ADGRG5: variants seen among roughly 807,000 people sequenced by gnomAD.
The protein encoded by ADGRG5 is G protein-coupled receptor 114.
A neutral mutation model predicts 53.2 loss-of-function variants in ADGRG5; 37 were observed. That is an observed-to-expected ratio of 0.70 (90% CI 0.53 to 0.91). The LOEUF (loss-of-function observed/expected upper bound fraction) is 0.91, where lower values mean the gene tolerates loss of function less well. Among genes scored for constraint, ADGRG5 ranks in the 40% least tolerant of loss-of-function variants. ADGRG5 has a pLI of 0.00. For synonymous variants in ADGRG5, 277 were observed against 290.4 expected (o/e 0.95, Z 0.47); for missense variants, 614 against 675.8 (o/e 0.91, Z 1.01).
intron 1 of ADGRG5, among the ~76,000 whole-genome samples, chr16:57,555,532 A>C (rs1355581560): frequency 2.6e-5 from 4 of 152,208 alleles, no homozygotes; most frequent in Admixed American, 6.5e-5. Flanking sequence ...TACTTCTAGC[A>C]ATTACTCAGA....
the ADGRG5 span, among the ~76,000 whole-genome samples, chr16:57,533,966 G>A: frequency 2.8e-4 from 42 of 152,286 alleles, no homozygotes; most frequent in African/African-American, 9.6e-4. Context: ...CGGTGGGACC[G>A]GCCACCACAG....
intron 1 of ADGRG5, among the ~76,000 whole-genome samples, chr16:57,552,865 C>T (rs909297430): frequency 6.6e-6 from 1 of 152,086 alleles, no homozygotes; most frequent in Middle Eastern, 3.2e-3. Context: ...ACTCTTTCTT[C>T]TACTTGAACA....
chr16:57,543,058 A>G (rs2032524995), intron 1 of ADGRG5: 1 of 152,122 alleles, frequency 6.6e-6, no homozygotes, highest in Non-Finnish European at 1.5e-5. Flanking sequence ...TGCACCTTGG[A>G]TGGCTGTCAG....
intron 9 of ADGRG5, among the ~76,000 whole-genome samples, chr16:57,569,854 A>G (rs1286603926): frequency 6.8e-6 from 1 of 147,244 alleles, no homozygotes; most frequent in Non-Finnish European, 1.5e-5. Flanking sequence ...CATCACCGTC[A>G]CCTCCTCCAT....
rs2404453 is a variant in ADGRG5 at position 57,574,104 on chromosome 16, G to A, written c.1209-711G>A. On this transcript the variant is annotated intron_variant, in intron 10 of 11. Transcript: ENST00000349457. This position sits in a 1 kb window ranked among gnomAD's most constrained non-coding sequence, Gnocchi z 4.4. The stretch of plus-strand genomic sequence containing the variant: ...CCTGCCTCAGCATGACATTGTGTCC[G>A]ACTAAAAGGTGGCATCTGTCTTGAA... 0.05 allele frequency among the ~76,000 whole-genome samples: 7,557 copies of A among 152,266 alleles called. 449 individuals are homozygous for A. The highest frequency in any genetic ancestry group is 0.33 in the East Asian group (1,723 of 5,162).
chr16:57,539,592 A>G (rs1166351573), upstream of ADGRG5, among the ~76,000 whole-genome samples: 2 of 151,084 alleles, frequency 1.3e-5, no homozygotes, highest in Non-Finnish European at 2.9e-5. Flanking sequence ...AGGTGGATCT[A>G]CAGGGGCACG....
In ADGRG5 at chr16:57,563,471, A is replaced by G. The variant is rs576184565; in HGVS notation, c.297+224A>G. ...TGCTTTATTGCCCCTGCAGGGCAGA[A>G]TCTTCTTCCTGCTTTGGCTGGAGGC... On this transcript the variant is annotated intron_variant, in intron 4 of 11. Transcript: ENST00000349457. Among the ~76,000 whole-genome samples the G allele has an allele frequency of 3.9e-5, 6 of 152,338 alleles. No individual in the cohort carries two copies. The East Asian group carries it at 1.2e-3, about 29-fold the overall frequency.
chr16:57,547,650 T>G (rs1351756618), intron 1 of ADGRG5, among the ~76,000 whole-genome samples: 1 of 152,218 alleles, frequency 6.6e-6, no homozygotes, highest in East Asian at 1.9e-4. Flanking sequence ...TTTCATCATG[T>G]TGACCAGGAT....
At chr16:57,543,786 T>TC (rs1324896693) in intron 1 of ADGRG5, among the ~76,000 whole-genome samples, 2 of 152,088 alleles carry the variant, frequency 1.3e-5, no homozygotes, top group Non-Finnish European at 2.9e-5. Flanking sequence ...TCCCAAGCCT[T>TC]GTGCTCAGAT....
At chr16:57,533,420 C>G in the ADGRG5 span, among the ~76,000 whole-genome samples, 1 of 152,012 alleles carries the variant, frequency 6.6e-6, no homozygotes, top group East Asian at 1.9e-4. Context: ...TACCCTGCCC[C>G]ACTCATACAG....
chr16:57,545,884 G>GA (rs1490348594), intron 1 of ADGRG5, among the ~76,000 whole-genome samples: 1 of 152,156 alleles, frequency 6.6e-6, no homozygotes, highest in Non-Finnish European at 1.5e-5. Context: ...GGAGTGCAGT[G>GA]ATGTGATCTC....
At chr16:57,568,977 C>A (rs1278935017) in intron 9 of ADGRG5, among the ~76,000 whole-genome samples, 1 of 151,560 alleles carries the variant, frequency 6.6e-6, no homozygotes. Flanking sequence ...CCACCATCAT[C>A]ACCTCCTCCA....
the ADGRG5 span, among the ~76,000 whole-genome samples, chr16:57,533,168 C>A: frequency 6.6e-6 from 1 of 152,170 alleles, no homozygotes; most frequent in Non-Finnish European, 1.5e-5. Flanking sequence ...CCTGGCCAGG[C>A]CCCTCCTAGG....
chr16:57,568,201 C>T (rs1444102870), intron 9 of ADGRG5, 77 bp downstream of exon 9: 6 of 1,449,730 alleles, frequency 4.1e-6, no homozygotes, highest in East Asian at 4.6e-5. Context: ...CCTTTCTTTC[C>T]CCTCCTCCTC....
At chr16:57,567,623 T>A in intron 8 of ADGRG5, 32 bp downstream of exon 8, 6 of 1,594,708 alleles carry the variant, frequency 3.8e-6, no homozygotes, top group Non-Finnish European at 5.1e-6. Flanking sequence ...GGGCCTGCCC[T>A]GCACTGTGGC....
At chr16:57,560,076 C>T (rs955702250) in intron 1 of ADGRG5, among the ~76,000 whole-genome samples, 1 of 152,174 alleles carries the variant, frequency 6.6e-6, no homozygotes, top group African/African-American at 2.4e-5. Context: ...TATCTACTCT[C>T]CTTTTCCTCT....
chr16:57,569,461 TC>T (rs1398640357), intron 9 of ADGRG5, among the ~76,000 whole-genome samples: 21 of 142,510 alleles, frequency 1.5e-4, no homozygotes, highest in Admixed American at 1.5e-3. Flanking sequence ...CATCACCTGC[TC>T]CATCTCCTCC....
rs1381835937 is a variant in ADGRG5, at chr16:57,570,527, C to T, written c.1200C>T (p.Asn400=). 3 of 1,611,792 alleles carry T rather than the reference C, an allele frequency of 1.9e-6. No individual in the cohort carries two copies. The highest frequency in any genetic ancestry group is 2.7e-5 in the African/African-American group (2 of 75,032). ...GGGAGAATGGCACAGGCTTCCAGAA[C>T]ATGTCCATGTGAGTGCCCTCAGGGC... ...DSWENGTGFQ[N]MSICWVRSPV... is the part of the protein sequence containing the mutation. Residue 400 remains asparagine, a synonymous_variant, in exon 10 of 12, where the codon AAC becomes AAT. Transcript: ENST00000349457.
Position 57,563,113 on chromosome 16 carries a change from A to G in ADGRG5, c.163A>G (p.Met55Val), listed in dbSNP as rs781414658. 2 of 1,614,100 alleles carry G rather than the reference A, an allele frequency of 1.2e-6. No homozygotes were observed. Among genetic ancestry groups the G allele is most frequent in the Non-Finnish European group, 1.7e-6 (2 of 1,180,006 alleles). ...SSRQLHQLEQ[M>V]LLNTSFPGYN... is the part of the protein sequence containing the mutation. ...CAGTCAACTCCACCAGCTGGAGCAG[A>G]TGCTACTGAACACCAGCTTCCCAGG... The change falls in exon 4 of 12, where the codon ATG becomes GTG. Residue 55 changes from methionine to valine, a missense_variant. Transcript: ENST00000349457.
Sources: allele counts gnomAD v4.1 joint callset (sites outside exome capture counted in the v4.1 genomes callset), GRCh38; gene constraint gnomAD v4.1.1; non-coding constraint Gnocchi (gnomAD v3.1); transcripts MANE v1.5; gene names NCBI Gene and HGNC (gene_info 2026-07-23, HGNC 2026-07-21).